RABGAP1L: variants seen among roughly 807,000 people sequenced by gnomAD.
RABGAP1L encodes the protein RAB GTPase activating protein 1 like.
In RABGAP1L, 63 loss-of-function variants were observed where a neutral mutation model predicts 137.7. That is an observed-to-expected ratio of 0.46 (90% confidence interval 0.37 to 0.56). The LOEUF (loss-of-function observed/expected upper bound fraction) is 0.56, where lower values mean the gene tolerates loss of function less well. Among genes scored for constraint, RABGAP1L ranks in the 20% least tolerant of loss-of-function variants. The pLI is 0.00. For synonymous variants in RABGAP1L, 431 were observed against 433.7 expected (o/e 0.99, Z 0.08); for missense variants, 1,095 against 1,244.0 (o/e 0.88, Z 1.80).
At chr1:174,649,541 G>A (rs1454765625) in intron 14 of RABGAP1L, among the ~76,000 whole-genome samples, 3 of 152,080 alleles carry the variant, frequency 2.0e-5, no homozygotes, top group African/African-American at 4.8e-5. Flanking sequence ...ACTCTCTTCT[G>A]GCTTGTAGGG....
chr1:174,200,017 A>C (rs1457465689), intron 1 of RABGAP1L, among the ~76,000 whole-genome samples: 2 of 152,250 alleles, frequency 1.3e-5, no homozygotes, highest in Non-Finnish European at 2.9e-5. Flanking sequence ...ATGTTAAAGA[A>C]GTCATATTCA....
chr1:174,773,085 G>T (rs969906794), intron 18 of RABGAP1L, among the ~76,000 whole-genome samples: 5 of 151,996 alleles, frequency 3.3e-5, no homozygotes, highest in African/African-American at 1.2e-4. Flanking sequence ...AAGTCATTCA[G>T]TTAGGCAAAT....
At chr1:174,329,002 T>A (rs1203217678) in intron 11 of RABGAP1L, among the ~76,000 whole-genome samples, 2 of 135,988 alleles carry the variant, frequency 1.5e-5, no homozygotes, top group African/African-American at 2.9e-5. Flanking sequence ...ATAATAAGGA[T>A]CAGAGCAAAT....
intron 13 of RABGAP1L, among the ~76,000 whole-genome samples, chr1:174,478,700 A>T (rs1023375718): frequency 6.6e-6 from 1 of 152,208 alleles, no homozygotes; most frequent in African/African-American, 2.4e-5. Flanking sequence ...TAAATGAATA[A>T]GTTCTTTGTT....
At chr1:174,925,829 T>C (rs1662693994) in intron 19 of RABGAP1L, among the ~76,000 whole-genome samples, 1 of 148,706 alleles carries the variant, frequency 6.7e-6, no homozygotes, top group African/African-American at 2.5e-5. Flanking sequence ...TTTCTCATTT[T>C]GTTATTTTGG....
chr1:174,730,435 C>G (rs1403358115), intron 17 of RABGAP1L, among the ~76,000 whole-genome samples: 1 of 152,176 alleles, frequency 6.6e-6, no homozygotes, highest in East Asian at 1.9e-4. Flanking sequence ...AGCCATGTAA[C>G]CGACCTGCAT....
intron 13 of RABGAP1L, among the ~76,000 whole-genome samples, chr1:174,604,260 C>T (rs186422717): frequency 6.6e-6 from 1 of 152,190 alleles, no homozygotes; most frequent in Non-Finnish European, 1.5e-5. Context: ...TGTGACTGGT[C>T]TAAATGCTCC....
At chr1:174,504,259 C>T (rs1330413514) in intron 13 of RABGAP1L, among the ~76,000 whole-genome samples, 1 of 151,962 alleles carries the variant, frequency 6.6e-6, no homozygotes, top group Non-Finnish European at 1.5e-5. Context: ...AGGCATGAGC[C>T]AGCACGCCTG....
At position 174,270,457 on chromosome 1, in the gene RABGAP1L, G is replaced by T. The variant is rs115492928; in HGVS notation, c.987-1957G>T. On this transcript the variant is annotated intron_variant, in intron 7 of 25. Transcript: ENST00000681986. ...ACAAAAGGTAGGAGGGTGGGAGAGC[G>T]GGGTGAAGGTTGAAAGATTACCTAT... Among the ~76,000 whole-genome samples the T allele has an allele frequency of 9.3e-3, 1,416 of 152,070 alleles. 26 individuals carry two copies. The highest frequency in any genetic ancestry group is 0.033 in the African/African-American group (1,363 of 41,460).
At chr1:174,648,882 T>A (rs1361378757) in intron 14 of RABGAP1L, among the ~76,000 whole-genome samples, 2 of 152,156 alleles carry the variant, frequency 1.3e-5, no homozygotes. Context: ...ATCTGGGTGC[T>A]CCTATGTTGG....
chr1:174,569,876 G>C (rs1667855520), intron 13 of RABGAP1L, among the ~76,000 whole-genome samples: 1 of 152,120 alleles, frequency 6.6e-6, no homozygotes. Flanking sequence ...CTCTAATTTT[G>C]AGAAAAGTAA....
intron 13 of RABGAP1L, among the ~76,000 whole-genome samples, chr1:174,469,786 C>T (rs141625762): frequency 8.1e-4 from 123 of 152,200 alleles, no homozygotes; most frequent in African/African-American, 2.8e-3. Flanking sequence ...AAATTGCTCA[C>T]TAGACCAATA....
chr1:174,189,191 G>A (rs564172739), intron 1 of RABGAP1L, among the ~76,000 whole-genome samples: 3 of 152,106 alleles, frequency 2.0e-5, no homozygotes, highest in Admixed American at 6.6e-5. Flanking sequence ...GTTTTTGGTA[G>A]AGACGGGGTT....
At chr1:174,489,001 A>G (rs561497912) in intron 13 of RABGAP1L, among the ~76,000 whole-genome samples, 1 of 142,790 alleles carries the variant, frequency 7.0e-6, no homozygotes, top group Non-Finnish European at 1.5e-5. Flanking sequence ...CCCACCTATG[A>G]GTGAGAACAT....
chr1:174,466,442 C>G (rs565402428), intron 13 of RABGAP1L, among the ~76,000 whole-genome samples: 1 of 152,062 alleles, frequency 6.6e-6, no homozygotes, highest in Non-Finnish European at 1.5e-5. Flanking sequence ...ATATCTAGTT[C>G]CCATTTTTTC....
intron 13 of RABGAP1L, among the ~76,000 whole-genome samples, chr1:174,622,896 C>A (rs1052656882): frequency 6.6e-6 from 1 of 152,084 alleles, no homozygotes; most frequent in Non-Finnish European, 1.5e-5. Context: ...AGTTATTATT[C>A]AATTTTTTTG....
At chr1:174,683,438 C>A in intron 14 of RABGAP1L, 84 bp from the exon 15 acceptor site, 1 of 1,107,442 alleles carries the variant, frequency 9.0e-7, no homozygotes, top group Non-Finnish European at 1.3e-6. Flanking sequence ...GGGACAGGAA[C>A]AAGCAGGAGC....
intron 13 of RABGAP1L, among the ~76,000 whole-genome samples, chr1:174,608,405 C>A (rs1417236551): frequency 2.0e-5 from 3 of 152,050 alleles, no homozygotes; most frequent in Non-Finnish European, 4.4e-5. Context: ...TATGTCTTAG[C>A]CCAAGGCAAT....
Position 174,371,856 on chromosome 1 carries a change from A to G in RABGAP1L, c.1559+784A>G, listed in dbSNP as rs142742234. On this transcript the variant is annotated intron_variant, in intron 12 of 25. Transcript: ENST00000681986. Reference sequence around the variant, plus strand: ...TAAACCTCTTTTATCCTTTCAAGAGAAAAGTGGATGCTCCTTATGATAGTC... The same window carrying G: ...TAAACCTCTTTTATCCTTTCAAGAGGAAAGTGGATGCTCCTTATGATAGTC... Among the ~76,000 whole-genome samples, 40 of 152,294 alleles carry G rather than the reference A, an allele frequency of 2.6e-4. No individual in the cohort carries two copies. The East Asian group carries it at 5.2e-3, about 20-fold the overall frequency.
Sources: allele counts gnomAD v4.1 joint callset (sites outside exome capture counted in the v4.1 genomes callset), GRCh38; gene constraint gnomAD v4.1.1; transcripts MANE v1.5; gene names NCBI Gene and HGNC (gene_info 2026-07-23, HGNC 2026-07-21).